Variants in MB21D2 observed in about 807,000 individuals in gnomAD.
The protein encoded by MB21D2 is Mab-21 domain containing 2.
In MB21D2, 9 loss-of-function variants were observed where a neutral mutation model predicts 33.3. The observed-to-expected ratio is 0.27, with a 90% CI of 0.16 to 0.47. MB21D2 has a LOEUF of 0.47. Ranked by LOEUF, MB21D2 falls within the 20% of genes least tolerant of loss-of-function variation. The pLI, the probability that MB21D2 is intolerant of heterozygous loss-of-function variation, is 0.99. For synonymous variants in MB21D2, 241 were observed against 236.3 expected, an observed-to-expected ratio of 1.02 and a Z score of -0.18; for missense variants, 540 against 624.6, an observed-to-expected ratio of 0.86 and a Z score of 1.44.
intron 1 of MB21D2, among the ~76,000 whole-genome samples, chr3:192,865,227 G>A (rs1431305629): frequency 2.6e-5 from 4 of 152,150 alleles, no homozygotes; most frequent in Non-Finnish European, 4.4e-5. Flanking sequence ...ATGTGTCCCT[G>A]AGCTTTATTC....
chr3:192,911,176 G>GC (rs935338852), intron 1 of MB21D2, among the ~76,000 whole-genome samples: 77 of 152,092 alleles, frequency 5.1e-4, no homozygotes, highest in African/African-American at 1.8e-3. Context: ...TCCCACCTAT[G>GC]CCACTCACTT....
Position 192,853,018 on chromosome 3 carries a change from ATC to A in MB21D2, c.212-53370_212-53369del, listed in dbSNP as rs982907193. On this transcript the variant is annotated intron_variant, in intron 1 of 1. Transcript: ENST00000392452. Reference sequence around the variant, plus strand: ...ACTGCCCTAAATCCAGTTTTCAGTTATCTCTCTCTGTCTCTCTCTCTCTCTCT... The same window carrying A: ...ACTGCCCTAAATCCAGTTTTCAGTTATCTCTCTGTCTCTCTCTCTCTCTCT... 9.8e-5 allele frequency among the ~76,000 whole-genome samples: 13 copies of A among 132,792 alleles called. No homozygotes were observed. In the South Asian group the frequency reaches 3.9e-3, roughly 40 times the overall value. The allele number at this position is 132,792 out of a possible 152,430, so 87.1% of individuals were successfully genotyped here. A position where few individuals can be genotyped will look rare whatever the true frequency, so the allele number is the denominator to read the frequency against.
chr3:192,877,469 T>C (rs1713456442), intron 1 of MB21D2, among the ~76,000 whole-genome samples: 1 of 152,172 alleles, frequency 6.6e-6, no homozygotes, highest in African/African-American at 2.4e-5. Flanking sequence ...TAACAATATC[T>C]GAATTTTTGT....
chr3:192,828,815 AT>A (rs1386579045), intron 1 of MB21D2, among the ~76,000 whole-genome samples: 1 of 149,282 alleles, frequency 6.7e-6, no homozygotes, highest in African/African-American at 2.5e-5. Context: ...CACCCGGCTA[AT>A]TTTTTTGTAT....
intron 1 of MB21D2, among the ~76,000 whole-genome samples, chr3:192,819,527 T>C (rs7629451): frequency 6.6e-6 from 1 of 152,014 alleles, no homozygotes; most frequent in Non-Finnish European, 1.5e-5. Context: ...TCGGTTTTAC[T>C]TATTGGGCTT....
intron 1 of MB21D2, among the ~76,000 whole-genome samples, chr3:192,830,679 T>C (rs1312119698): frequency 1.3e-5 from 2 of 152,162 alleles, no homozygotes; most frequent in Admixed American, 6.5e-5. Context: ...CTAGAGATAG[T>C]GCTATTGGAA....
At chr3:192,816,326 A>T (rs1711923486) in intron 1 of MB21D2, among the ~76,000 whole-genome samples, 2 of 152,170 alleles carry the variant, frequency 1.3e-5, no homozygotes, top group Non-Finnish European at 2.9e-5. Context: ...GACAAAAATG[A>T]CATTTTGTAC....
chr3:192,876,671 C>T (rs1713434018), intron 1 of MB21D2, among the ~76,000 whole-genome samples: 1 of 152,180 alleles, frequency 6.6e-6, no homozygotes, highest in African/African-American at 2.4e-5. Context: ...ATTCTTGCCA[C>T]TTCCCTAGTT....
At chr3:192,914,003 A>G (rs951708420) in intron 1 of MB21D2, among the ~76,000 whole-genome samples, 6 of 152,254 alleles carry the variant, frequency 3.9e-5, no homozygotes, top group African/African-American at 1.2e-4. Flanking sequence ...AAATCTACTT[A>G]TATTACGCTA....
chr3:192,799,802 G>T lies in MB21D2; in HGVS notation c.212-152C>A. 1.3e-6 allele frequency: 1 copy of T among 794,470 alleles called. No individual in the cohort carries two copies. Among genetic ancestry groups the T allele is most frequent in the Non-Finnish European group, 1.9e-6 (1 of 518,504 alleles). The allele number at this position is 794,470 out of a possible 1,614,324, so 49.2% of individuals were successfully genotyped here. ...GGCTGCTGCAGAGACCTGGCCAACA[G>T]TACTTTCTCACTAGTGCTAGAATCC... is the stretch of plus-strand genomic sequence containing the variant. On this transcript the variant is annotated intron_variant, in intron 1 of 1. Transcript: ENST00000392452. The surrounding 1 kb of genome is among the most constrained non-coding windows in gnomAD (Gnocchi z 4.1).
At chr3:192,854,560 A>AT (rs1473802965) in intron 1 of MB21D2, among the ~76,000 whole-genome samples, 1 of 152,366 alleles carries the variant, frequency 6.6e-6, no homozygotes, top group East Asian at 1.9e-4. Context: ...AAAATAACCG[A>AT]TGAAGGTAGC....
At chr3:192,894,159 C>T (rs559156366) in intron 1 of MB21D2, among the ~76,000 whole-genome samples, 4 of 151,960 alleles carry the variant, frequency 2.6e-5, no homozygotes, top group African/African-American at 4.8e-5. Flanking sequence ...GACAGAGTCT[C>T]GCTCTGTCAC....
intron 1 of MB21D2, among the ~76,000 whole-genome samples, chr3:192,851,489 C>CTT (rs1712803440): frequency 9.9e-6 from 1 of 101,414 alleles, no homozygotes; most frequent in Admixed American, 1.0e-4. Flanking sequence ...TTTTTTTTGT[C>CTT]TGTTTTTTTT....
chr3:192,897,928 C>T (rs1269153047), intron 1 of MB21D2, among the ~76,000 whole-genome samples: 1 of 151,662 alleles, frequency 6.6e-6, no homozygotes, highest in African/African-American at 2.4e-5. Context: ...TCATGCACTC[C>T]AGCCTGGGTG....
intron 1 of MB21D2, among the ~76,000 whole-genome samples, chr3:192,832,057 C>T (rs915617424): frequency 6.6e-6 from 1 of 152,190 alleles, no homozygotes; most frequent in African/African-American, 2.4e-5. Flanking sequence ...CCATCCACAG[C>T]AGTGTTCCTT....
At chr3:192,814,594 G>C (rs1458861313) in intron 1 of MB21D2, among the ~76,000 whole-genome samples, 2 of 152,104 alleles carry the variant, frequency 1.3e-5, no homozygotes, top group Non-Finnish European at 2.9e-5. Flanking sequence ...CGGGCGCGGT[G>C]GCTCACACCT....
chr3:192,902,754 T>C (rs1714129310), intron 1 of MB21D2, among the ~76,000 whole-genome samples: 2 of 152,334 alleles, frequency 1.3e-5, no homozygotes, highest in Admixed American at 6.5e-5. Context: ...AACGTTATGC[T>C]GGTTCTTTCA....
intron 1 of MB21D2, among the ~76,000 whole-genome samples, chr3:192,880,473 A>G (rs984781640): frequency 1.3e-5 from 2 of 152,132 alleles, no homozygotes; most frequent in Non-Finnish European, 1.5e-5. Flanking sequence ...AGGAGGAGGA[A>G]GCAGGATGAG....
At chr3:192,895,147 AG>A (rs1233745665) in intron 1 of MB21D2, among the ~76,000 whole-genome samples, 1 of 152,196 alleles carries the variant, frequency 6.6e-6, no homozygotes, top group Middle Eastern at 3.2e-3. Flanking sequence ...AGGGGCCTGA[AG>A]GAACAGGAGT....
Sources: gnomAD v4.1 joint callset for allele counts (sites outside exome capture counted in the v4.1 genomes callset) on GRCh38, gnomAD v4.1.1 for gene constraint, Gnocchi (gnomAD v3.1) non-coding constraint, MANE v1.5 for transcripts, NCBI Gene and HGNC (gene_info 2026-07-23, HGNC 2026-07-21) for gene names.